The following GPR158 variants were observed in gnomAD, a reference collection of about 807,000 sequenced individuals.
GPR158 encodes the protein G protein-coupled receptor 158.
GPR158 carries 30 observed loss-of-function variants against 78.2 expected under a neutral mutation model. The ratio of observed to expected loss-of-function variants is 0.38; its 90% confidence interval spans 0.29 to 0.52. The LOEUF (loss-of-function observed/expected upper bound fraction) is 0.52. GPR158 is among the 20% of genes least tolerant of loss of function. The pLI, the probability that GPR158 is intolerant of heterozygous loss-of-function variation, is 0.83. For missense variants in GPR158, 1,463 were observed against 1,523.5 expected (o/e 0.96, Z 0.66); for synonymous variants, 581 against 591.1 (o/e 0.98, Z 0.25).
At chr10:25,249,651 A>G (rs1853761548) in intron 2 of GPR158, among the ~76,000 whole-genome samples, 1 of 151,294 alleles carries the variant, frequency 6.6e-6, no homozygotes, top group South Asian at 2.1e-4. Flanking sequence ...CTTGCATCCC[A>G]GGGATGAAGC....
At position 25,419,498 on chromosome 10, in the gene GPR158, T is replaced by C. The variant is rs148077018; in HGVS notation, c.1335+7025T>C. On this transcript the variant is annotated intron_variant, in intron 4 of 10. Coordinates refer to ENST00000376351, the MANE Select transcript of GPR158 (RefSeq NM_020752.3). Reference sequence around the variant, plus strand: ...TATATGAATATTTGTTTTAAATTCTTTTGCTATATACCTAGTAATGGAATT... The same window carrying C: ...TATATGAATATTTGTTTTAAATTCTCTTGCTATATACCTAGTAATGGAATT... 8.5e-5 allele frequency among the ~76,000 whole-genome samples: 13 copies of C among 152,330 alleles called. No homozygotes were observed. In the East Asian group the frequency reaches 1.9e-3, roughly 23 times the overall value.
intron 2 of GPR158, among the ~76,000 whole-genome samples, chr10:25,241,267 C>CT (rs1853612875): frequency 2.9e-5 from 3 of 103,044 alleles, no homozygotes; most frequent in Admixed American, 1.1e-4. Context: ...TCCTTTCTTT[C>CT]TTTCCTTTCT....
At chr10:25,576,119 C>T (rs1237605820) in intron 7 of GPR158, among the ~76,000 whole-genome samples, 1 of 151,880 alleles carries the variant, frequency 6.6e-6, no homozygotes, top group Non-Finnish European at 1.5e-5. Context: ...GAATTGTATA[C>T]TGGTGAAATC....
chr10:25,200,636 T>C (rs1016324295), intron 1 of GPR158, among the ~76,000 whole-genome samples: 4 of 152,128 alleles, frequency 2.6e-5, no homozygotes, highest in Non-Finnish European at 5.9e-5. Context: ...TAGTCTTAGG[T>C]TTTACAAGTC....
intron 2 of GPR158, among the ~76,000 whole-genome samples, chr10:25,351,715 T>C (rs896627404): frequency 1.3e-5 from 2 of 151,360 alleles, no homozygotes; most frequent in Non-Finnish European, 1.5e-5. Context: ...TCTTTCTTTT[T>C]TTTTTTTTTT....
chr10:25,574,105 C>T (rs1015821770), intron 7 of GPR158, among the ~76,000 whole-genome samples: 6 of 118,086 alleles, frequency 5.1e-5, no homozygotes, highest in Non-Finnish European at 9.6e-5. Flanking sequence ...TCCTTGTATT[C>T]TTATGAAGCA....
intron 5 of GPR158, among the ~76,000 whole-genome samples, chr10:25,470,842 T>C (rs1835489548): frequency 6.6e-6 from 1 of 152,208 alleles, no homozygotes; most frequent in Admixed American, 6.5e-5. Context: ...TCTGAATATC[T>C]GTTGCTACTA....
At chr10:25,494,130 T>C (rs2130650634) in intron 5 of GPR158, among the ~76,000 whole-genome samples, 1 of 152,242 alleles carries the variant, frequency 6.6e-6, no homozygotes, top group South Asian at 2.1e-4. Flanking sequence ...TGGTACTAAT[T>C]TGAGGAAAAA....
chr10:25,328,437 T>G (rs1252251508), intron 2 of GPR158, among the ~76,000 whole-genome samples: 1 of 152,110 alleles, frequency 6.6e-6, no homozygotes, highest in Non-Finnish European at 1.5e-5. Flanking sequence ...CAATATAATA[T>G]ATATGTACTA....
chr10:25,288,667 T>G (rs1336738142), intron 2 of GPR158, among the ~76,000 whole-genome samples: 2 of 152,226 alleles, frequency 1.3e-5, no homozygotes, highest in Non-Finnish European at 2.9e-5. Context: ...ATATCCAAAG[T>G]TAAAATATCC....
At chr10:25,272,597 C>T (rs1224195628) in intron 2 of GPR158, among the ~76,000 whole-genome samples, 1 of 152,066 alleles carries the variant, frequency 6.6e-6, no homozygotes, top group Non-Finnish European at 1.5e-5. Context: ...AGGAAATTAC[C>T]TTCTGAGAAT....
At chr10:25,332,044 A>C (rs1855131354) in intron 2 of GPR158, among the ~76,000 whole-genome samples, 1 of 152,232 alleles carries the variant, frequency 6.6e-6, no homozygotes, top group Non-Finnish European at 1.5e-5. Flanking sequence ...GACATCCAAT[A>C]AAGTACATGC....
intron 4 of GPR158, among the ~76,000 whole-genome samples, chr10:25,422,076 A>C (rs1014051050): frequency 2.0e-5 from 3 of 152,184 alleles, no homozygotes; most frequent in Non-Finnish European, 4.4e-5. Context: ...TGGTAGTTTT[A>C]GATGCCTGTC....
chr10:25,424,181 T>C (rs1373480064), intron 4 of GPR158, among the ~76,000 whole-genome samples: 1 of 152,220 alleles, frequency 6.6e-6, no homozygotes, highest in Non-Finnish European at 1.5e-5. Context: ...AAATGTCTTC[T>C]TTTGAGAAGT....
chr10:25,338,621 A>ATACATATT (rs1855260757), intron 2 of GPR158, among the ~76,000 whole-genome samples: 1 of 54,328 alleles, frequency 1.8e-5, no homozygotes, highest in Non-Finnish European at 1.0e-4. Flanking sequence ...AAATCATATA[A>ATACATATT]ATATATAAGC....
At chr10:25,555,633 A>AG (rs890831357) in intron 6 of GPR158, among the ~76,000 whole-genome samples, 2 of 152,152 alleles carry the variant, frequency 1.3e-5, no homozygotes, top group Non-Finnish European at 2.9e-5. Flanking sequence ...TTGAAATGAA[A>AG]GGGGGTGAAA....
intron 7 of GPR158, among the ~76,000 whole-genome samples, chr10:25,577,090 A>G (rs1293235227): frequency 6.6e-6 from 1 of 152,174 alleles, no homozygotes. Context: ...ATCCTAATAA[A>G]AGTTTTCATT....
At chr10:25,290,242 G>C (rs993070924) in intron 2 of GPR158, among the ~76,000 whole-genome samples, 1 of 152,240 alleles carries the variant, frequency 6.6e-6, no homozygotes, top group Non-Finnish European at 1.5e-5. Flanking sequence ...TTTTTGAAAA[G>C]AATTCCGTAT....
intron 2 of GPR158, among the ~76,000 whole-genome samples, chr10:25,382,617 T>C (rs1409446312): frequency 2.6e-5 from 4 of 152,020 alleles, no homozygotes; most frequent in Non-Finnish European, 5.9e-5. Context: ...TGGAAGGTGG[T>C]TTGGTAAAAT....
Sources: allele counts gnomAD v4.1 joint callset (sites outside exome capture counted in the v4.1 genomes callset), GRCh38; gene constraint gnomAD v4.1.1; transcripts MANE v1.5; gene names NCBI Gene and HGNC (gene_info 2026-07-23, HGNC 2026-07-21).